TMEM63A: variants seen among roughly 807,000 people sequenced by gnomAD.
The protein encoded by TMEM63A is transmembrane protein 63A, also known as mechanosensitive cation channel TMEM63A.
In TMEM63A, 76 loss-of-function variants were observed where a neutral mutation model predicts 100.6. The ratio of observed to expected loss-of-function variants is 0.76; its 90% CI spans 0.63 to 0.91. The LOEUF is 0.91. Ranked by LOEUF, TMEM63A falls within the 40% of genes least tolerant of loss-of-function variation. TMEM63A has a pLI of 0.00. For missense variants in TMEM63A, 876 were observed against 1,008.8 expected, an observed-to-expected ratio of 0.87 and a Z score of 1.78; for synonymous variants, 401 against 401.1, an observed-to-expected ratio of 1.00 and a Z score of 0.00.
At chr1:225,850,216 G>A in intron 20 of TMEM63A, 137 bp from the exon 21 acceptor site, 3 of 972,932 alleles carry the variant, frequency 3.1e-6, no homozygotes, top group East Asian at 5.1e-5. Context: ...ACAAAATGAG[G>A]CATCCTGCAC....
rs146432068 is a variant in TMEM63A, at chr1:225,850,101, G to A, written c.1904-22C>T. 1.2e-3 allele frequency: 1,894 copies of A among 1,612,914 alleles called. 49 individuals carry two copies. The East Asian group carries it at 0.031, about 27-fold the overall frequency. On this transcript the variant is annotated intron_variant, in intron 20 of 24. Coordinates refer to ENST00000366835, the MANE Select transcript of TMEM63A (RefSeq NM_014698.3). The stretch of plus-strand genomic sequence containing the variant: ...AGGCCTGCAGGGGATGGGGCTGTGA[G>A]CTGGAGACCTCGCAGGGCCACACAG...
In TMEM63A at chr1:225,882,303, C is replaced by T. The variant is rs1671131715; in HGVS notation, c.-206+1G>A. 1 of 152,574 alleles carries T rather than the reference C, an allele frequency of 6.6e-6. No homozygotes were observed. The highest frequency in any genetic ancestry group is 2.1e-4 in the South Asian group (1 of 4,838). The allele number at this position is 152,574 out of a possible 1,614,324, so 9.5% of individuals were successfully genotyped here. ...CTCCTCACGCCCCCTGTCCCCTGTA[C>T]CTGCGGCGGCGGCGTGTCTGGCGGG... On this transcript the variant is annotated splice_donor_variant, in intron 1 of 24. Transcript: ENST00000366835. LOFTEE classifies it low-confidence loss of function (5UTR_SPLICE).
At chr1:225,844,516 C>T, downstream of TMEM63A, 3 of 1,614,172 alleles carry the variant, frequency 1.9e-6, no homozygotes, top group Non-Finnish European at 2.5e-6. Context: ...CCCTGGACGA[C>T]CTGCTGACCA....
Position 225,853,933 on chromosome 1 carries a change from T to G in TMEM63A, c.1635-142A>C, listed in dbSNP as rs1013180215. ...ATTCAGCACATATTTGGGAAACACA[T>G]CTGTGTGCCAAGCACCTTTCTAGGC... On this transcript the variant is annotated intron_variant, in intron 18 of 24. Coordinates refer to ENST00000366835, the MANE Select transcript of TMEM63A (RefSeq NM_014698.3). The surrounding 1 kb of genome is among the most constrained non-coding windows in gnomAD (Gnocchi z 4.0). The G allele has an allele frequency of 2.4e-6, 2 of 821,756 alleles. No individual in the cohort carries two copies. The highest frequency in any genetic ancestry group is 3.6e-6 in the Non-Finnish European group (2 of 551,308). 50.9% of individuals were successfully genotyped at this position (821,756 alleles called of 1,614,324 possible).
rs966645435 is a variant in TMEM63A at position 225,867,164 on chromosome 1, C to G, written c.515-1G>C. 1.1e-5 allele frequency: 18 copies of G among 1,614,038 alleles called. No individual in the cohort carries two copies. The highest frequency in any genetic ancestry group is 4.0e-5 in the African/African-American group (3 of 74,918). On this transcript the variant is annotated splice_acceptor_variant, in intron 7 of 24. Coordinates refer to ENST00000366835, the MANE Select transcript of TMEM63A (RefSeq NM_014698.3). LOFTEE classifies it high-confidence loss of function. The surrounding 1 kb of genome is among the most constrained non-coding windows in gnomAD (Gnocchi z 4.6). ...CTCCCAAAACTATACGGGTCTTTGT[C>G]TGCAGAGAAGCACAGATACTTAGTT... is the stretch of plus-strand genomic sequence containing the variant.
chr1:225,849,041 G>C (rs772319329), intron 21 of TMEM63A, 29 bp from the exon 22 acceptor site: 2 of 1,439,776 alleles, frequency 1.4e-6, no homozygotes, highest in African/African-American at 2.8e-5. Flanking sequence ...TAGCCTTGGG[G>C]TGGGCAGGGA....
chr1:225,877,957 G>C (rs915112779), intron 2 of TMEM63A, among the ~76,000 whole-genome samples: 1 of 152,204 alleles, frequency 6.6e-6, no homozygotes, highest in Non-Finnish European at 1.5e-5. Context: ...TGTTGGGAAA[G>C]TCACTCCTGC....
At chr1:225,843,596 C>T (rs1313578137), downstream of TMEM63A, among the ~76,000 whole-genome samples, 2 of 152,166 alleles carry the variant, frequency 1.3e-5, no homozygotes, top group East Asian at 3.9e-4. Context: ...ATGTGAGGCC[C>T]CACCAGACTA....
At chr1:225,864,057 G>A (rs757683838) in intron 10 of TMEM63A, 12 of 152,004 alleles carry the variant, frequency 7.9e-5, no homozygotes, top group South Asian at 2.1e-4. Context: ...AACTGAGGCC[G>A]ACAGAGGTAA....
Position 225,846,154 on chromosome 1 carries a change from G to GTCCTT in TMEM63A, c.*780_*784dup, listed in dbSNP as rs1007278362. 5 of 153,426 alleles carry GTCCTT rather than the reference G, an allele frequency of 3.3e-5. No individual in the cohort carries two copies. The highest frequency in any genetic ancestry group is 1.2e-4 in the African/African-American group (5 of 41,588). The allele number at this position is 153,426 out of a possible 1,614,324, so 9.5% of individuals were successfully genotyped here. A position where few individuals can be genotyped will look rare whatever the true frequency, so the allele number is the denominator to read the frequency against. ...CCCCTTCCTCTGTGCCGACCATGCT[G>GTCCTT]TCCTTTGGCTCCGAGGAGGCCCTGA... On this transcript the variant is annotated 3_prime_UTR_variant, in exon 25 of 25. Transcript: ENST00000366835.
intron 2 of TMEM63A, among the ~76,000 whole-genome samples, chr1:225,878,898 A>T (rs996921922): frequency 7.5e-5 from 10 of 134,122 alleles, no homozygotes; most frequent in Middle Eastern, 5.0e-3. Context: ...ACACACACAC[A>T]CACACACACA....
Position 225,853,721 on chromosome 1 carries a change from C to A in TMEM63A, c.1705G>T (p.Gly569Cys). 6.2e-7 allele frequency: 1 copy of A among 1,602,072 alleles called. No individual in the cohort carries two copies. The highest frequency in any genetic ancestry group is 8.5e-7 in the Non-Finnish European group (1 of 1,174,320). Residue 569 changes from glycine (G) to cysteine (C), a missense_variant, in exon 19 of 25, where the codon GGC becomes TGC. Around this residue, in one of 5 missense-constraint regions of TMEM63A, gnomAD observed 339 missense variants for 342.3 expected, o/e 0.99. Coordinates refer to ENST00000366835, the MANE Select transcript of TMEM63A (RefSeq NM_014698.3). This position sits in a 1 kb window ranked among gnomAD's most constrained non-coding sequence, Gnocchi z 4.0. ...CCTGGCAGCCGCAGCAGCTCCATGC[C>A]ATTGCCGATGAAGGCCGAGGCGATG... is the stretch of plus-strand genomic sequence containing the variant. ...YVIASAFIGN[G>C]MELLRLPGLI...
intron 2 of TMEM63A, among the ~76,000 whole-genome samples, chr1:225,878,880 CT>C (rs1559054273): frequency 2.1e-5 from 2 of 95,958 alleles, no homozygotes; most frequent in African/African-American, 8.7e-5. Flanking sequence ...ACCTACCTAC[CT>C]ACCTACACAC....
At chr1:225,880,779 G>A (rs867831430) in intron 1 of TMEM63A, among the ~76,000 whole-genome samples, 2 of 152,166 alleles carry the variant, frequency 1.3e-5, no homozygotes, top group Non-Finnish European at 2.9e-5. Context: ...TCCAACAGCT[G>A]GTCTAAATTT....
chr1:225,877,650 G>T, intron 2 of TMEM63A, 56 bp from the exon 3 acceptor site: 1 of 1,507,506 alleles, frequency 6.6e-7, no homozygotes. Flanking sequence ...TTTCTTGCAG[G>T]TTCCCACCAG....
intron 8 of TMEM63A, 141 bp from the exon 9 acceptor site, chr1:225,866,823 G>A (rs1670238772): frequency 1.5e-5 from 12 of 776,724 alleles, no homozygotes; most frequent in Admixed American, 1.1e-4. Flanking sequence ...CACAGAGGTT[G>A]TGTGGCCAGC....
downstream of TMEM63A, chr1:225,845,501 C>CCCAA (rs1204762058): frequency 4.3e-6 from 3 of 698,400 alleles, no homozygotes; most frequent in African/African-American, 5.3e-5. Context: ...AAGCTCACTC[C>CCCAA]CCAACCCCCA....
intron 21 of TMEM63A, among the ~76,000 whole-genome samples, chr1:225,849,439 T>C (rs919933218): frequency 1.3e-5 from 2 of 152,160 alleles, no homozygotes; most frequent in Admixed American, 6.5e-5. Context: ...ACCTCTTCCA[T>C]GCCAGGAGGT....
intron 1 of TMEM63A, among the ~76,000 whole-genome samples, chr1:225,879,977 C>G (rs752539098): frequency 9.2e-6 from 1 of 108,158 alleles, no homozygotes; most frequent in Non-Finnish European, 2.3e-5. Context: ...GGCATACCCT[C>G]GCCAGTGCTG....
Sources: allele counts gnomAD v4.1 joint callset (sites outside exome capture counted in the v4.1 genomes callset), GRCh38; gene constraint gnomAD v4.1.1; regional missense constraint gnomAD v4.1.1; non-coding constraint Gnocchi (gnomAD v3.1); transcripts MANE v1.5; gene names NCBI Gene and HGNC (gene_info 2026-07-23, HGNC 2026-07-21).